Variants in SAE1 observed in about 807,000 individuals in gnomAD.
SAE1 encodes the protein SUMO-activating enzyme subunit 1.
SAE1 carries 11 observed loss-of-function variants against 40.6 expected under a neutral mutation model. The observed-to-expected ratio is 0.27, with a 90% CI of 0.17 to 0.45. SAE1 has a LOEUF of 0.45. SAE1 is among the 20% of genes least tolerant of loss of function. The probability of loss-of-function intolerance (pLI) is 1.00; values close to 1 mark genes in which losing one functional copy is unlikely to be tolerated. For missense variants in SAE1, 373 were observed against 427.3 expected (o/e 0.87, Z 1.12); for synonymous variants, 155 against 154.3 (o/e 1.00, Z -0.03).
intron 7 of SAE1, among the ~76,000 whole-genome samples, chr19:47,199,244 G>A (rs1473857565): frequency 2.0e-5 from 3 of 151,746 alleles, no homozygotes; most frequent in Admixed American, 2.0e-4. Context: ...AAATTAGCCA[G>A]GTGTGGTGGT....
intron 1 of SAE1, among the ~76,000 whole-genome samples, chr19:47,133,936 C>T (rs1194454020): frequency 6.6e-6 from 1 of 150,854 alleles, no homozygotes; most frequent in East Asian, 1.9e-4. Context: ...GGTCTCGGCT[C>T]ACTGCAACCT....
At chr19:47,196,734 T>C (rs1193898151) in intron 6 of SAE1, among the ~76,000 whole-genome samples, 2 of 152,006 alleles carry the variant, frequency 1.3e-5, no homozygotes, top group African/African-American at 4.8e-5. Flanking sequence ...CAAACTCATA[T>C]ATACTTCATT....
chr19:47,176,850 C>G (rs1461491653), intron 6 of SAE1, among the ~76,000 whole-genome samples: 2 of 152,156 alleles, frequency 1.3e-5, no homozygotes, highest in Non-Finnish European at 2.9e-5. Flanking sequence ...TATTATTCTC[C>G]CATGGCATGT....
intron 8 of SAE1, among the ~76,000 whole-genome samples, chr19:47,204,902 C>T (rs538694599): frequency 2.4e-4 from 37 of 152,084 alleles, no homozygotes; most frequent in Admixed American, 3.3e-4. Context: ...CAGGATGACC[C>T]GTGACCCTGT....
chr19:47,138,550 A>G lies in SAE1; in HGVS notation c.99-4944A>G, dbSNP rs2058196965. 4.6e-5 allele frequency among the ~76,000 whole-genome samples: 7 copies of G among 152,352 alleles called. No homozygotes were observed. The South Asian group carries it at 1.4e-3, about 32-fold the overall frequency. ...TTTCTATAATTCTGCTGATGGACACAGGTTTGTTTTGGTGTGTCTATTAAT... is the reference window on the plus strand; with the variant it reads ...TTTCTATAATTCTGCTGATGGACACGGGTTTGTTTTGGTGTGTCTATTAAT... On this transcript the variant is annotated intron_variant, in intron 1 of 8. Transcript: ENST00000270225.
Position 47,204,437 on chromosome 19 carries a change from A to T in SAE1, c.948+697A>T, listed in dbSNP as rs141449771. 1.6e-3 allele frequency among the ~76,000 whole-genome samples: 242 copies of T among 149,130 alleles called. 1 individual carries two copies. Among genetic ancestry groups the T allele is most frequent in the African/African-American group, 5.3e-3 (214 of 40,460 alleles). On this transcript the variant is annotated intron_variant, in intron 8 of 8. Transcript: ENST00000270225. ...ATGGTCTGGATCTCCTGACATCGTGATCTGCCCACCTCAGCCTCTCAAAGT... is the reference window on the plus strand; with the variant it reads ...ATGGTCTGGATCTCCTGACATCGTGTTCTGCCCACCTCAGCCTCTCAAAGT...
At chr19:47,171,300 A>G (rs539433188) in intron 6 of SAE1, among the ~76,000 whole-genome samples, 2 of 131,768 alleles carry the variant, frequency 1.5e-5, no homozygotes, top group Admixed American at 7.8e-5. Flanking sequence ...TTTTATTTTA[A>G]TTTTTTTTTT....
intron 3 of SAE1, among the ~76,000 whole-genome samples, chr19:47,151,854 A>G (rs181406917): frequency 2.6e-5 from 4 of 152,364 alleles, no homozygotes; most frequent in Admixed American, 6.5e-5. Flanking sequence ...TTGATTGTGT[A>G]ATGCGTGTGC....
At position 47,182,496 on chromosome 19, in the gene SAE1, T is replaced by TGTGTGC. The variant is rs143321323; in HGVS notation, c.733+12574_733+12575insTGTGCG. 9.8e-3 allele frequency among the ~76,000 whole-genome samples: 1,431 copies of TGTGTGC among 145,996 alleles called. 12 individuals are homozygous for TGTGTGC. Among genetic ancestry groups the TGTGTGC allele is most frequent in the East Asian group, 0.017 (85 of 4,880 alleles). ...GTGTGTGTGTGTGTGTGTGTGTGTG[T>TGTGTGC]GCGCGCACGCACGCGCGCGCGCACA... On this transcript the variant is annotated intron_variant, in intron 6 of 8. Transcript: ENST00000270225.
chr19:47,209,161 C>T lies in SAE1; in HGVS notation c.951C>T (p.Ala317=), dbSNP rs2058700289. 6.2e-7 allele frequency: 1 copy of T among 1,613,720 alleles called. No homozygotes were observed. Among genetic ancestry groups the T allele is most frequent in the Non-Finnish European group, 8.5e-7 (1 of 1,179,910 alleles). The change falls in exon 9 of 9, where the codon GCC becomes GCT. Residue 317 remains alanine, a splice_region_variant and synonymous_variant. Coordinates refer to ENST00000270225, the MANE Select transcript of SAE1 (RefSeq NM_005500.3). ...GGILAQEIVK[A]LSQRDPPHNN... is the part of the protein sequence containing the mutation. ...CCTCTTTTCATTTTTCTCCCCAGGCCCTGTCTCAGCGGGACCCTCCTCACA... is the reference window on the plus strand; with the variant it reads ...CCTCTTTTCATTTTTCTCCCCAGGCTCTGTCTCAGCGGGACCCTCCTCACA...
intron 6 of SAE1, among the ~76,000 whole-genome samples, chr19:47,186,205 A>G (rs2058543721): frequency 1.3e-5 from 2 of 151,976 alleles, no homozygotes; most frequent in South Asian, 4.2e-4. Context: ...CCGCCACTGC[A>G]TTCCAGCCTG....
intron 5 of SAE1, among the ~76,000 whole-genome samples, chr19:47,158,753 A>G (rs2058339338): frequency 6.6e-6 from 1 of 152,214 alleles, no homozygotes; most frequent in African/African-American, 2.4e-5. Flanking sequence ...TGTTGTCCCC[A>G]TCTATAGCTG....
chr19:47,148,618 T>C (rs936521389), intron 2 of SAE1, among the ~76,000 whole-genome samples: 2 of 139,142 alleles, frequency 1.4e-5, no homozygotes, highest in African/African-American at 5.3e-5. Context: ...CTCTGAGTTC[T>C]TTTTTTTTTT....
intron 8 of SAE1, among the ~76,000 whole-genome samples, chr19:47,206,462 C>T (rs1326286090): frequency 6.6e-6 from 1 of 152,234 alleles, no homozygotes; most frequent in Non-Finnish European, 1.5e-5. Flanking sequence ...AAGCGCAAGT[C>T]TGCTCCTTTG....
chr19:47,182,279 C>T (rs183981038), intron 6 of SAE1, among the ~76,000 whole-genome samples: 16 of 152,128 alleles, frequency 1.1e-4, no homozygotes, highest in Admixed American at 5.9e-4. Context: ...AGGCAGCCAT[C>T]GCTATTTGGG....
chr19:47,131,278 G>C lies in SAE1; in HGVS notation c.98+250G>C, dbSNP rs139060088. Among the ~76,000 whole-genome samples, 273 of 152,216 alleles carry C rather than the reference G, an allele frequency of 1.8e-3. 1 individual carries two copies. The Middle Eastern group carries it at 0.048, about 27-fold the overall frequency. On this transcript the variant is annotated intron_variant, in intron 1 of 8. Coordinates refer to ENST00000270225, the MANE Select transcript of SAE1 (RefSeq NM_005500.3). ...AAGGGGGCGTTGGGGAGTCCTGAGA[G>C]AGCGGGAGAATTCAAACTCAGGAAA... is the stretch of plus-strand genomic sequence containing the variant.
intron 6 of SAE1, among the ~76,000 whole-genome samples, chr19:47,182,517 G>GCA (rs1169487701): frequency 6.6e-6 from 1 of 150,762 alleles, no homozygotes; most frequent in African/African-American, 2.4e-5. Context: ...ACGCGCGCGC[G>GCA]CACACCACTG....
At chr19:47,154,479 GC>G (rs1447817639) in intron 4 of SAE1, among the ~76,000 whole-genome samples, 9 of 91,700 alleles carry the variant, frequency 9.8e-5, no homozygotes, top group African/African-American at 3.5e-4. Context: ...ATTAAGTTTG[GC>G]TTTTTTTTTT....
At chr19:47,140,809 G>C (rs917288365) in intron 1 of SAE1, among the ~76,000 whole-genome samples, 2 of 151,950 alleles carry the variant, frequency 1.3e-5, no homozygotes, top group African/African-American at 4.8e-5. Flanking sequence ...AAAACAAAAC[G>C]TAAACATGGT....
Sources: allele counts gnomAD v4.1 joint callset (sites outside exome capture counted in the v4.1 genomes callset), GRCh38; gene constraint gnomAD v4.1.1; transcripts MANE v1.5; gene names NCBI Gene and HGNC (gene_info 2026-07-23, HGNC 2026-07-21).